KCNIP4: variants seen among roughly 807,000 people sequenced by gnomAD.
KCNIP4 encodes the protein Kv channel-interacting protein 4.
KCNIP4 carries 12 observed loss-of-function variants against 34.0 expected under a neutral mutation model. That is an observed-to-expected ratio of 0.35 (90% CI 0.23 to 0.57). KCNIP4 has a LOEUF of 0.57. Ranked by LOEUF, KCNIP4 falls within the 20% of genes least tolerant of loss-of-function variation. The pLI is 0.83. For synonymous variants in KCNIP4, 124 were observed against 102.2 expected (o/e 1.21, Z -1.29); for missense variants, 238 against 311.7 (o/e 0.76, Z 1.78).
chr4:21,149,620 G>A (rs1226551721), intron 1 of KCNIP4, among the ~76,000 whole-genome samples: 2 of 152,186 alleles, frequency 1.3e-5, no homozygotes, highest in African/African-American at 4.8e-5. Flanking sequence ...AATTTAGAAT[G>A]TTGAGGTGAA....
At chr4:21,445,875 C>T (rs1229586556) in intron 1 of KCNIP4, among the ~76,000 whole-genome samples, 1 of 152,168 alleles carries the variant, frequency 6.6e-6, no homozygotes, top group Non-Finnish European at 1.5e-5. Flanking sequence ...ATCTACTCAT[C>T]TGACAAAGGG....
intron 1 of KCNIP4, among the ~76,000 whole-genome samples, chr4:20,934,289 T>C (rs558115280): frequency 6.6e-6 from 1 of 152,312 alleles, no homozygotes; most frequent in East Asian, 1.9e-4. Context: ...CAATATGTTC[T>C]TTAACCCAAT....
chr4:21,338,967 T>A (rs1716463889), intron 1 of KCNIP4, among the ~76,000 whole-genome samples: 1 of 152,144 alleles, frequency 6.6e-6, no homozygotes, highest in South Asian at 2.1e-4. Flanking sequence ...TCTATAGGAA[T>A]CTATAGAAAC....
intron 1 of KCNIP4, among the ~76,000 whole-genome samples, chr4:21,594,058 C>T (rs1213490299): frequency 6.6e-6 from 1 of 151,736 alleles, no homozygotes; most frequent in Admixed American, 6.6e-5. Flanking sequence ...GACTTGTGAA[C>T]AAGCTGAAAG....
intron 1 of KCNIP4, among the ~76,000 whole-genome samples, chr4:21,026,418 C>T (rs566269040): frequency 2.0e-5 from 3 of 152,096 alleles, no homozygotes; most frequent in Non-Finnish European, 4.4e-5. Context: ...CTTTGGGAGG[C>T]CAAGTTAGTT....
intron 1 of KCNIP4, among the ~76,000 whole-genome samples, chr4:21,914,022 A>C (rs1728490706): frequency 6.6e-6 from 1 of 152,126 alleles, no homozygotes; most frequent in South Asian, 2.1e-4. Flanking sequence ...AGAGCCAAGG[A>C]AGACAAGACT....
intron 1 of KCNIP4, chr4:21,303,859 C>G (rs746088921): frequency 6.2e-7 from 1 of 1,614,020 alleles, no homozygotes; most frequent in South Asian, 1.1e-5. Flanking sequence ...TAACAAAAAG[C>G]ACAATGACGA....
intron 1 of KCNIP4, among the ~76,000 whole-genome samples, chr4:21,114,426 G>A (rs7689062): frequency 0.44 from 66,752 of 151,878 alleles, 15,006 homozygotes; most frequent in African/African-American, 0.54. Flanking sequence ...AAAAATGCAT[G>A]TGTTGCTTTT....
At chr4:21,798,427 T>TATATATATATA (rs1720767569) in intron 1 of KCNIP4, among the ~76,000 whole-genome samples, 2 of 74,746 alleles carry the variant, frequency 2.7e-5, no homozygotes, top group Non-Finnish European at 8.7e-5. Flanking sequence ...ATATATATAT[T>TATATATATATA]TGCTGGGTGT....
chr4:21,409,649 C>A (rs1724312580), intron 1 of KCNIP4, among the ~76,000 whole-genome samples: 1 of 152,108 alleles, frequency 6.6e-6, no homozygotes, highest in African/African-American at 2.4e-5. Context: ...ATCTAATATT[C>A]ATTCTGTCGT....
intron 1 of KCNIP4, among the ~76,000 whole-genome samples, chr4:20,922,223 G>T (rs1356831283): frequency 1.3e-5 from 2 of 152,186 alleles, no homozygotes; most frequent in Non-Finnish European, 2.9e-5. Flanking sequence ...ATCTGTGAGG[G>T]TGTTAACTGG....
chr4:21,117,305 G>GGC (rs1749769625), intron 1 of KCNIP4, among the ~76,000 whole-genome samples: 1 of 40,650 alleles, frequency 2.5e-5, no homozygotes. Context: ...GTTGCCGGGG[G>GGC]GGGGGGGGGG....
chr4:21,071,826 T>C (rs1014717762), intron 1 of KCNIP4, among the ~76,000 whole-genome samples: 1 of 152,132 alleles, frequency 6.6e-6, no homozygotes. Context: ...CGGTGTGTGA[T>C]GTTCCCCTTC....
intron 1 of KCNIP4, among the ~76,000 whole-genome samples, chr4:21,943,666 G>A (rs1318313245): frequency 1.3e-5 from 2 of 152,158 alleles, no homozygotes; most frequent in Non-Finnish European, 2.9e-5. Flanking sequence ...TCAAGCTAAG[G>A]AATTTGTATT....
chr4:21,595,063 A>G (rs763635147), intron 1 of KCNIP4, among the ~76,000 whole-genome samples: 7 of 152,028 alleles, frequency 4.6e-5, no homozygotes, highest in Non-Finnish European at 4.4e-5. Flanking sequence ...ATGGTGATTT[A>G]CTGCACCCAT....
At chr4:21,562,744 T>C (rs1739566564) in intron 1 of KCNIP4, among the ~76,000 whole-genome samples, 1 of 152,026 alleles carries the variant, frequency 6.6e-6, no homozygotes, top group Non-Finnish European at 1.5e-5. Flanking sequence ...GTTATAAAAT[T>C]GGAAAATTTG....
chr4:21,430,289 A>C (rs1726319218), intron 1 of KCNIP4, among the ~76,000 whole-genome samples: 1 of 152,152 alleles, frequency 6.6e-6, no homozygotes, highest in Non-Finnish European at 1.5e-5. Context: ...ACAAAATTTC[A>C]AAGTGATAAC....
chr4:21,215,950 G>C (rs1285819020), intron 1 of KCNIP4, among the ~76,000 whole-genome samples: 4 of 151,976 alleles, frequency 2.6e-5, no homozygotes, highest in African/African-American at 9.7e-5. Flanking sequence ...CAAGTAGCTG[G>C]GACCACAGGC....
chr4:21,476,752 T>C (rs1257192430), intron 1 of KCNIP4, among the ~76,000 whole-genome samples: 1 of 152,182 alleles, frequency 6.6e-6, no homozygotes, highest in African/African-American at 2.4e-5. Context: ...CGCTGTGATA[T>C]TCATGTTTCT....
Sources: gnomAD v4.1 joint callset for allele counts (sites outside exome capture counted in the v4.1 genomes callset) on GRCh38, gnomAD v4.1.1 for gene constraint, MANE v1.5 for transcripts, NCBI Gene and HGNC (gene_info 2026-07-23, HGNC 2026-07-21) for gene names.